RPS6KA2: variants seen among roughly 807,000 people sequenced by gnomAD.
RPS6KA2 encodes ribosomal protein S6 kinase alpha-2.
Under a neutral mutation model 91.8 loss-of-function variants are expected in RPS6KA2, and 42 were observed. That is an observed-to-expected ratio of 0.46 (90% CI 0.36 to 0.59). The LOEUF (loss-of-function observed/expected upper bound fraction) is 0.59, where lower values mean the gene tolerates loss of function less well. RPS6KA2 is among the 20% of genes least tolerant of loss of function. RPS6KA2 has a pLI of 0.00. For missense variants in RPS6KA2, 798 were observed against 978.5 expected, an observed-to-expected ratio of 0.82 and a Z score of 2.46; for synonymous variants, 414 against 393.6, an observed-to-expected ratio of 1.05 and a Z score of -0.61.
intron 5 of RPS6KA2, among the ~76,000 whole-genome samples, chr6:166,507,470 A>G (rs1239111992): frequency 1.3e-5 from 2 of 150,128 alleles, no homozygotes; most frequent in Non-Finnish European, 3.0e-5. Flanking sequence ...CACACCCTAC[A>G]TAGGCACACA....
At chr6:166,841,662 G>A (rs567508103) in intron 2 of RPS6KA2, among the ~76,000 whole-genome samples, 1 of 152,376 alleles carries the variant, frequency 6.6e-6, no homozygotes, top group East Asian at 1.9e-4. Flanking sequence ...GGCTGAGTCA[G>A]AAAGGACCTA....
rs1697183841 is a variant in RPS6KA2 at position 166,423,749 on chromosome 6, G to GAGAT, written c.1582-336_1582-333dup. On this transcript the variant is annotated intron_variant, in intron 16 of 20. Transcript: ENST00000265678. The surrounding 1 kb of genome is among the most constrained non-coding windows in gnomAD (Gnocchi z 4.8). ...ATAAAAGGAAATGTGGTGAGCTCTG[G>GAGAT]AGATAGGAATGAAAAGCATTTTAAA... 4.4e-6 allele frequency: 1 copy of GAGAT among 226,286 alleles called. No individual in the cohort carries two copies. Among genetic ancestry groups the GAGAT allele is most frequent in the African/African-American group, 2.3e-5 (1 of 43,884 alleles). 14.0% of individuals were successfully genotyped at this position (226,286 alleles called of 1,614,324 possible).
intron 2 of RPS6KA2, among the ~76,000 whole-genome samples, chr6:166,839,863 A>G (rs959391453): frequency 6.6e-5 from 10 of 150,768 alleles, no homozygotes; most frequent in African/African-American, 2.0e-4. Flanking sequence ...CTGATTTTGG[A>G]CTTCTGCTCT....
At chr6:166,858,360 C>A in intron 1 of RPS6KA2, 2 of 680,276 alleles carry the variant, frequency 2.9e-6, no homozygotes, top group East Asian at 2.6e-5. Flanking sequence ...CTAAATATCC[C>A]GCATGATTTC....
Position 166,531,288 on chromosome 6 carries a change from C to T in RPS6KA2, c.242G>A (p.Gly81Glu), listed in dbSNP as rs770792530. ...GGCGTAGAGCTGCCCAGCGTCGGAC[C>T]CCTTCACCTTCCTCACCAGGAACAC... ...GKVFLVRKVK[G>E]SDAGQLYAMK... Residue 81 changes from glycine to glutamate, a missense_variant, in exon 3 of 21, where the codon GGG becomes GAG. Gly to Glu is a moderately conservative substitution (Grantham distance 98, BLOSUM62 -2). Coordinates refer to ENST00000265678, the MANE Select transcript of RPS6KA2 (RefSeq NM_021135.6). 2.2e-5 allele frequency: 36 copies of T among 1,613,930 alleles called. No homozygotes were observed. The highest frequency in any genetic ancestry group is 2.3e-5 in the Non-Finnish European group (27 of 1,179,954).
chr6:166,680,659 T>C (rs1788772049), intron 2 of RPS6KA2, among the ~76,000 whole-genome samples: 1 of 152,144 alleles, frequency 6.6e-6, no homozygotes, highest in African/African-American at 2.4e-5. Flanking sequence ...ACTGTGAAGG[T>C]TTGCAGCTTC....
intron 1 of RPS6KA2, chr6:166,586,570 A>AC: frequency 1.6e-6 from 2 of 1,243,338 alleles, no homozygotes; most frequent in Non-Finnish European, 1.1e-6. Context: ...CTCAGGCCGA[A>AC]CCCCGCCGGC....
At chr6:166,668,197 T>C (rs1788372328) in intron 2 of RPS6KA2, among the ~76,000 whole-genome samples, 1 of 152,058 alleles carries the variant, frequency 6.6e-6, no homozygotes, top group East Asian at 1.9e-4. Flanking sequence ...TTGGAGAAAC[T>C]GAAGGAAATG....
intron 2 of RPS6KA2, among the ~76,000 whole-genome samples, chr6:166,799,843 G>A (rs1430548008): frequency 6.6e-6 from 1 of 152,024 alleles, no homozygotes; most frequent in African/African-American, 2.4e-5. Context: ...TCTGCGATCT[G>A]GGTGCCCCTG....
chr6:166,768,380 A>T (rs1225980062), intron 2 of RPS6KA2, among the ~76,000 whole-genome samples: 4 of 152,232 alleles, frequency 2.6e-5, no homozygotes, highest in African/African-American at 9.6e-5. Context: ...GGCACCTTGC[A>T]GGACTTATTA....
At chr6:166,680,596 G>A (rs932090962) in intron 2 of RPS6KA2, among the ~76,000 whole-genome samples, 18 of 152,098 alleles carry the variant, frequency 1.2e-4, no homozygotes, top group Admixed American at 2.6e-4. Flanking sequence ...GCACGAGCCC[G>A]CCAGGAGGGA....
At chr6:166,758,137 C>T (rs1778070305) in intron 2 of RPS6KA2, among the ~76,000 whole-genome samples, 1 of 152,212 alleles carries the variant, frequency 6.6e-6, no homozygotes, top group Admixed American at 6.5e-5. Flanking sequence ...TTCTCTGTGT[C>T]ATTTAAACTG....
intron 1 of RPS6KA2, among the ~76,000 whole-genome samples, chr6:166,858,873 A>T (rs1200482688): frequency 6.6e-6 from 1 of 152,212 alleles, no homozygotes; most frequent in African/African-American, 2.4e-5. Flanking sequence ...GAGACATGGC[A>T]GTGCTTCTGC....
chr6:166,576,450 A>G (rs1167373233), intron 1 of RPS6KA2, among the ~76,000 whole-genome samples: 1 of 152,228 alleles, frequency 6.6e-6, no homozygotes, highest in Non-Finnish European at 1.5e-5. Flanking sequence ...ATAATGACGT[A>G]GACAATAAAG....
At position 166,500,975 on chromosome 6, in the gene RPS6KA2, C is replaced by A; in HGVS notation, c.567-51G>T. 6.4e-7 allele frequency: 1 copy of A among 1,566,472 alleles called. No homozygotes were observed. On this transcript the variant is annotated intron_variant, in intron 6 of 20. Transcript: ENST00000265678. This position sits in a 1 kb window ranked among gnomAD's most constrained non-coding sequence, Gnocchi z 4.3. ...TGCTTTAGAAAGAGACCCAGCCTGC[C>A]GACGGGCACGCAGAGCTCAGAGGAG...
At chr6:166,693,336 T>A (rs1262790094) in intron 2 of RPS6KA2, among the ~76,000 whole-genome samples, 2 of 152,250 alleles carry the variant, frequency 1.3e-5, no homozygotes. Context: ...GTGATTCTTG[T>A]TGTTTTTAAT....
chr6:166,589,164 G>A (rs998582192), intron 1 of RPS6KA2, among the ~76,000 whole-genome samples: 1 of 152,194 alleles, frequency 6.6e-6, no homozygotes, highest in African/African-American at 2.4e-5. Flanking sequence ...TAAAAATGAT[G>A]GCTATGGGGC....
chr6:166,800,228 G>A (rs1477840209), intron 2 of RPS6KA2, among the ~76,000 whole-genome samples: 1 of 152,200 alleles, frequency 6.6e-6, no homozygotes, highest in East Asian at 1.9e-4. Context: ...AACGTACCAG[G>A]AGGCCGGCAA....
At chr6:166,800,479 G>C (rs1332187311) in intron 2 of RPS6KA2, among the ~76,000 whole-genome samples, 1 of 152,192 alleles carries the variant, frequency 6.6e-6, no homozygotes, top group African/African-American at 2.4e-5. Flanking sequence ...AGTCATGAGG[G>C]CCCCATCCTT....
Sources: allele counts gnomAD v4.1 joint callset (sites outside exome capture counted in the v4.1 genomes callset), GRCh38; gene constraint gnomAD v4.1.1; non-coding constraint Gnocchi (gnomAD v3.1); transcripts MANE v1.5; gene names NCBI Gene and HGNC (gene_info 2026-07-23, HGNC 2026-07-21).